The following OR2L3 variants were observed in gnomAD, a reference collection of about 807,000 sequenced individuals.
OR2L3 encodes the protein olfactory receptor 2L3.
For missense variants in OR2L3, 369 were observed against 376.6 expected (o/e 0.98, Z 0.17); for synonymous variants, 131 against 139.1 (o/e 0.94, Z 0.41).
intron 1 of OR2L3, among the ~76,000 whole-genome samples, chr1:248,055,243 A>C (rs1178654579): frequency 6.6e-6 from 1 of 152,136 alleles, no homozygotes; most frequent in African/African-American, 2.4e-5. Context: ...GATTACATTC[A>C]TTGATTTGTG....
Position 248,048,780 on chromosome 1 carries a change from G to A in OR2L3, c.-22+1900G>A, listed in dbSNP as rs532860270. ...TAGATATCGCTTCAGAAGACAGGAA[G>A]TAAACCAGATTCTGGAAAACTCCAT... On this transcript the variant is annotated intron_variant, in intron 1 of 1. Coordinates refer to ENST00000359959, the MANE Select transcript of OR2L3 (RefSeq NM_001004687.2). Among the ~76,000 whole-genome samples, 6 of 152,176 alleles carry A rather than the reference G, an allele frequency of 3.9e-5. No individual in the cohort carries two copies. In the South Asian group the frequency reaches 1.2e-3, roughly 32 times the overall value.
intron 1 of OR2L3, among the ~76,000 whole-genome samples, chr1:248,047,624 A>AT (rs1214714668): frequency 2.6e-5 from 4 of 152,198 alleles, no homozygotes; most frequent in African/African-American, 7.2e-5. Context: ...CAATGTATTT[A>AT]TTTTTTCTTT....
rs1396258762 is a variant in OR2L3 at position 248,062,229 on chromosome 1, A to G, written c.*609A>G. 1 of 152,254 alleles carries G rather than the reference A, an allele frequency of 6.6e-6. No individual in the cohort carries two copies. The allele number at this position is 152,254 out of a possible 1,614,324, so 9.4% of individuals were successfully genotyped here. ...CTTTATAGGGGAATGAATCCCAGGAAATGATTTAACATTAGGTATATTTTA... is the reference window on the plus strand; with the variant it reads ...CTTTATAGGGGAATGAATCCCAGGAGATGATTTAACATTAGGTATATTTTA... On this transcript the variant is annotated 3_prime_UTR_variant, in exon 2 of 2. Transcript: ENST00000359959.
At chr1:248,056,221 T>C (rs901937324) in intron 1 of OR2L3, among the ~76,000 whole-genome samples, 1 of 152,184 alleles carries the variant, frequency 6.6e-6, no homozygotes, top group African/African-American at 2.4e-5. Flanking sequence ...GTGTACAACG[T>C]GCAGGTTAGT....
At chr1:248,051,282 T>G (rs1049989564) in intron 1 of OR2L3, 4 of 152,220 alleles carry the variant, frequency 2.6e-5, no homozygotes, top group Admixed American at 6.5e-5. Flanking sequence ...TGTGACAGAC[T>G]TATTTCACTT....
intron 1 of OR2L3, among the ~76,000 whole-genome samples, chr1:248,060,106 CA>C (rs1663575349): frequency 6.6e-6 from 1 of 150,966 alleles, no homozygotes; most frequent in Non-Finnish European, 1.5e-5. Context: ...ACTAATTTTT[CA>C]AATATAAATC....
At chr1:248,057,694 A>G (rs1392928743) in intron 1 of OR2L3, among the ~76,000 whole-genome samples, 2 of 152,056 alleles carry the variant, frequency 1.3e-5, no homozygotes, top group African/African-American at 2.4e-5. Context: ...CTCATTTTCA[A>G]TGTATAAAGT....
rs545515029 is a variant in OR2L3, at chr1:248,055,767, G to A, written c.-21-4894G>A. 13 of 152,328 alleles carry A rather than the reference G, an allele frequency of 8.5e-5. No homozygotes were observed. In the South Asian group the frequency reaches 2.7e-3, roughly 32 times the overall value. The allele number at this position is 152,328 out of a possible 1,614,324, so 9.4% of individuals were successfully genotyped here. A position where few individuals can be genotyped will look rare whatever the true frequency, so the allele number is the denominator to read the frequency against. ...TGATTGTGAGACTGGATGACAGTGA[G>A]ACTCCGTCTCAAGGAAAAAAATGAT... On this transcript the variant is annotated intron_variant, in intron 1 of 1. Coordinates refer to ENST00000359959, the MANE Select transcript of OR2L3 (RefSeq NM_001004687.2).
intron 1 of OR2L3, among the ~76,000 whole-genome samples, chr1:248,057,492 ATTT>A: frequency 6.6e-6 from 1 of 151,920 alleles, no homozygotes; most frequent in East Asian, 1.9e-4. Context: ...TGCTTGGTAA[ATTT>A]TTCTCTATTC....
At chr1:248,053,199 G>C (rs1314076226) in intron 1 of OR2L3, among the ~76,000 whole-genome samples, 11 of 152,152 alleles carry the variant, frequency 7.2e-5, no homozygotes, top group Non-Finnish European at 4.4e-5. Context: ...GCGAGAATAT[G>C]CAGTATTTAG....
intron 1 of OR2L3, among the ~76,000 whole-genome samples, chr1:248,054,913 AT>A (rs1663384694): frequency 6.6e-6 from 1 of 152,118 alleles, no homozygotes; most frequent in African/African-American, 2.4e-5. Context: ...CTTTCTTCCT[AT>A]TTGCATACCC....
chr1:248,052,014 T>C lies in OR2L3; in HGVS notation c.-22+5134T>C, dbSNP rs116732317. ...ACATTATGATGACTTTATGCAGATA[T>C]TAAATGCATTTTTACTTACAATTTT... On this transcript the variant is annotated intron_variant, in intron 1 of 1. Coordinates refer to ENST00000359959, the MANE Select transcript of OR2L3 (RefSeq NM_001004687.2). Among the ~76,000 whole-genome samples the C allele has an allele frequency of 4.7e-3, 715 of 152,316 alleles. 7 individuals carry two copies. Among genetic ancestry groups the C allele is most frequent in the African/African-American group, 0.016 (681 of 41,580 alleles).
At chr1:248,058,030 TC>T (rs1663496430) in intron 1 of OR2L3, among the ~76,000 whole-genome samples, 1 of 152,204 alleles carries the variant, frequency 6.6e-6, no homozygotes, top group Non-Finnish European at 1.5e-5. Context: ...AAAGTGGACT[TC>T]CGTGTCTTGT....
chr1:248,055,278 G>A (rs1663397931), intron 1 of OR2L3, among the ~76,000 whole-genome samples: 1 of 152,144 alleles, frequency 6.6e-6, no homozygotes, highest in Non-Finnish European at 1.5e-5. Flanking sequence ...TTGCATCCAG[G>A]GGATGAAGCT....
chr1:248,049,868 T>C (rs759720654), intron 1 of OR2L3, among the ~76,000 whole-genome samples: 6 of 152,210 alleles, frequency 3.9e-5, no homozygotes, highest in Non-Finnish European at 5.9e-5. Flanking sequence ...TGTACGTTTA[T>C]TTATCTAGAT....
rs138319344 is a variant in OR2L3, at chr1:248,061,358, A to G, written c.677A>G (p.His226Arg). Reference protein sequence around the residue: ...SYGRVLLAVYHMKSAEGRKKA... With the variant: ...SYGRVLLAVYRMKSAEGRKKA... ...GGCCGGGTTCTCCTTGCTGTCTACC[A>G]CATGAAATCTGCAGAAGGGAGGAAG... Residue 226 changes from histidine (H) to arginine (R), a missense_variant, in exon 2 of 2, where the codon CAC becomes CGC. Physicochemically the swap from His to Arg is conservative, Grantham distance 29. Coordinates refer to ENST00000359959, the MANE Select transcript of OR2L3 (RefSeq NM_001004687.2). 1.6e-4 allele frequency: 254 copies of G among 1,613,882 alleles called. No homozygotes were observed. In the African/African-American group the frequency reaches 2.6e-3, roughly 17 times the overall value.
At chr1:248,052,834 T>G (rs1663313913) in intron 1 of OR2L3, among the ~76,000 whole-genome samples, 1 of 152,132 alleles carries the variant, frequency 6.6e-6, no homozygotes, top group Non-Finnish European at 1.5e-5. Context: ...TTCATATAAA[T>G]TTTAGAATGG....
intron 1 of OR2L3, among the ~76,000 whole-genome samples, chr1:248,047,113 G>T (rs1663102487): frequency 6.6e-6 from 1 of 152,048 alleles, no homozygotes; most frequent in African/African-American, 2.4e-5. Context: ...GGTAAATGAT[G>T]GTCAATTGAA....
At chr1:248,052,335 G>T (rs1404814132) in intron 1 of OR2L3, among the ~76,000 whole-genome samples, 2 of 152,132 alleles carry the variant, frequency 1.3e-5, no homozygotes, top group African/African-American at 4.8e-5. Flanking sequence ...CCATGTATAT[G>T]AGAGGCTATT....
Sources: gnomAD v4.1 joint callset for allele counts (sites outside exome capture counted in the v4.1 genomes callset) on GRCh38, gnomAD v4.1.1 for gene constraint, MANE v1.5 for transcripts, NCBI Gene and HGNC (gene_info 2026-07-23, HGNC 2026-07-21) for gene names.